The following LPA variants were observed in gnomAD, a reference collection of about 807,000 sequenced individuals.
LPA encodes the protein apolipoprotein(a).
In LPA, 199 loss-of-function variants were observed where a neutral mutation model predicts 197.9. The ratio of observed to expected loss-of-function variants is 1.01; its 90% CI spans 0.90 to 1.13. The LOEUF (loss-of-function observed/expected upper bound fraction) is 1.13, where lower values mean the gene tolerates loss of function less well. Among genes scored for constraint, LPA ranks in the 50% most tolerant of loss-of-function variants. LPA has a pLI of 0.00. For missense variants in LPA, 1,853 were observed against 1,785.8 expected (o/e 1.04, Z -0.68); for synonymous variants, 715 against 639.5 (o/e 1.12, Z -1.78).
chr6:160,557,984 A>G (rs1402924474), intron 28 of LPA, among the ~76,000 whole-genome samples: 5 of 151,622 alleles, frequency 3.3e-5, no homozygotes, highest in Non-Finnish European at 7.4e-5. Flanking sequence ...CAGTGGCGCA[A>G]TCTCGGCTCA....
rs1779020141 is a variant in LPA at position 160,591,051 on chromosome 6, C to A, written c.3680G>T (p.Trp1227Leu). 1 of 1,613,922 alleles carries A rather than the reference C, an allele frequency of 6.2e-7. No homozygotes were observed. The highest frequency in any genetic ancestry group is 8.5e-7 in the Non-Finnish European group (1 of 1,179,904). The change falls in exon 23 of 39, where the codon TGG becomes TTG. Residue 1227 changes from tryptophan to leucine, a missense_variant. Coordinates refer to ENST00000316300, the MANE Select transcript of LPA (RefSeq NM_005577.4). ...CRNPDAEISP[W>L]CYTMDPNVRW... ...GACATTGGGATCCATGGTATAACAC[C>A]AAGGACTAATCTCAGCATCTGGATT... is the stretch of plus-strand genomic sequence containing the variant.
intron 16 of LPA, among the ~76,000 whole-genome samples, chr6:160,611,101 G>A (rs1779499643): frequency 6.6e-6 from 1 of 151,978 alleles, no homozygotes; most frequent in Admixed American, 6.6e-5. Context: ...TCTCCCTATT[G>A]GAATACAGGT....
At chr6:160,663,647 C>G (rs752909868) in intron 1 of LPA, among the ~76,000 whole-genome samples, 15 of 152,110 alleles carry the variant, frequency 9.9e-5, no homozygotes, top group Non-Finnish European at 2.1e-4. Flanking sequence ...ATAATTTCTC[C>G]AGGGATAAGA....
At chr6:160,565,856 C>T (rs914774163) in intron 28 of LPA, among the ~76,000 whole-genome samples, 1 of 152,140 alleles carries the variant, frequency 6.6e-6, no homozygotes, top group Admixed American at 6.6e-5. Flanking sequence ...AGCTGAAAAC[C>T]ATGGCACGAG....
At chr6:160,542,945 T>C (rs1583567644) in intron 33 of LPA, 137 bp from the exon 34 acceptor site, 1 of 1,213,122 alleles carries the variant, frequency 8.2e-7, no homozygotes, top group East Asian at 2.5e-5. Flanking sequence ...AAACACTCTT[T>C]AGATTTTTCT....
At chr6:160,626,894 GT>G (rs1779666464) in intron 10 of LPA, among the ~76,000 whole-genome samples, 1 of 90,486 alleles carries the variant, frequency 1.1e-5, no homozygotes, top group Non-Finnish European at 2.3e-5. Context: ...TCTAAAGAGA[GT>G]TGAGATTTCC....
At chr6:160,598,407 CA>C (rs1366719284) in intron 20 of LPA, among the ~76,000 whole-genome samples, 1 of 152,204 alleles carries the variant, frequency 6.6e-6, no homozygotes, top group Non-Finnish European at 1.5e-5. Flanking sequence ...AACATGGCTA[CA>C]GTCAGCTTGG....
chr6:160,634,898 C>G (rs1235779660), intron 7 of LPA, among the ~76,000 whole-genome samples: 1 of 150,166 alleles, frequency 6.7e-6, no homozygotes, highest in African/African-American at 2.5e-5. Context: ...AGCCCATCAC[C>G]CTGGAAGGTT....
chr6:160,546,201 C>T (rs1349129595), intron 32 of LPA, among the ~76,000 whole-genome samples: 3 of 152,144 alleles, frequency 2.0e-5, no homozygotes, highest in Non-Finnish European at 4.4e-5. Flanking sequence ...CCCCACCCTC[C>T]AACCTCCAGG....
Position 160,541,179 on chromosome 6 carries a change from A to G in LPA, c.5522T>C (p.Phe1841Ser). ...WPWQVSLRTR[F>S]GKHFCGGTLI... is the part of the protein sequence containing the mutation. ...GGTGCCTCCACAGAAGTGCTTTCCAAACCTAGAAAGAAAACATGCCAAGGC... is the reference window on the plus strand; with the variant it reads ...GGTGCCTCCACAGAAGTGCTTTCCAGACCTAGAAAGAAAACATGCCAAGGC... The change falls in exon 35 of 39, where the codon TTT becomes TCT. Residue 1841 changes from phenylalanine (F) to serine (S), a missense_variant and splice_region_variant. Physicochemically the swap from Phe to Ser is radical, Grantham distance 155. Around this residue, in one of 3 missense-constraint regions of LPA, gnomAD observed 1,737 missense variants for 1,504.4 expected, o/e 1.15. Coordinates refer to ENST00000316300, the MANE Select transcript of LPA (RefSeq NM_005577.4). The G allele has an allele frequency of 1.3e-5, 21 of 1,612,566 alleles. No individual in the cohort carries two copies. The highest frequency in any genetic ancestry group is 1.8e-5 in the Non-Finnish European group (21 of 1,178,500).
At chr6:160,552,598 C>T (rs1258049586) in intron 30 of LPA, among the ~76,000 whole-genome samples, 1 of 152,142 alleles carries the variant, frequency 6.6e-6, no homozygotes, top group Non-Finnish European at 1.5e-5. Flanking sequence ...TTTGTTTCTT[C>T]AATTTGACCA....
chr6:160,537,790 T>A (rs746722671), intron 37 of LPA, 65 bp downstream of exon 37: 10 of 1,437,606 alleles, frequency 7.0e-6, no homozygotes, highest in Non-Finnish European at 9.7e-6. Flanking sequence ...TCCAAAATGC[T>A]CATTTTGTAA....
At chr6:160,592,806 T>A (rs1392677135) in intron 22 of LPA, among the ~76,000 whole-genome samples, 2 of 152,152 alleles carry the variant, frequency 1.3e-5, no homozygotes. Context: ...AAGATCCTAC[T>A]CCCAAATTAT....
chr6:160,562,667 G>A (rs756589378), intron 28 of LPA, among the ~76,000 whole-genome samples: 1 of 152,166 alleles, frequency 6.6e-6, no homozygotes, highest in South Asian at 2.1e-4. Flanking sequence ...TTGTACCTCT[G>A]TTAGGATTTG....
At chr6:160,541,706 G>A (rs1420791324) in intron 34 of LPA, among the ~76,000 whole-genome samples, 2 of 152,194 alleles carry the variant, frequency 1.3e-5, no homozygotes, top group South Asian at 2.1e-4. Flanking sequence ...TGATAGATCA[G>A]AATAATGGTG....
chr6:160,586,507 A>G lies in LPA; in HGVS notation c.4071T>C (p.Thr1357=). Reference sequence around the variant, plus strand: ...GGACCACCGTGGGAGTTGTGAGGAGAGTTGATTCCATCACTGGACATTGCG... The same window carrying G: ...GGACCACCGTGGGAGTTGTGAGGAGGGTTGATTCCATCACTGGACATTGCG... The part of the protein sequence containing the change: ...NLTQCPVMES[T]LLTTPTVVPV... The change falls in exon 25 of 39, where the codon ACT becomes ACC. Residue 1357 remains threonine, a synonymous_variant. Transcript: ENST00000316300. The G allele has an allele frequency of 1.2e-6, 2 of 1,613,776 alleles. No individual in the cohort carries two copies. The highest frequency in any genetic ancestry group is 1.7e-6 in the Non-Finnish European group (2 of 1,179,778).
intron 24 of LPA, among the ~76,000 whole-genome samples, chr6:160,588,681 G>C (rs1226727060): frequency 6.6e-6 from 1 of 152,096 alleles, no homozygotes; most frequent in Non-Finnish European, 1.5e-5. Flanking sequence ...TTCTTAGCCA[G>C]CCTAGAACAC....
At chr6:160,590,891 C>A (rs950461761) in intron 23 of LPA, 53 bp downstream of exon 23, 1 of 1,611,946 alleles carries the variant, frequency 6.2e-7, no homozygotes, top group Non-Finnish European at 8.5e-7. Flanking sequence ...GATTTTGCAA[C>A]TCTTTTTATC....
chr6:160,603,755 C>T (rs1046860131), intron 18 of LPA, among the ~76,000 whole-genome samples: 1 of 152,198 alleles, frequency 6.6e-6, no homozygotes, highest in East Asian at 1.9e-4. Context: ...GTTTTCCTCT[C>T]CCAGGCAGTT....
Sources: allele counts gnomAD v4.1 joint callset (sites outside exome capture counted in the v4.1 genomes callset), GRCh38; gene constraint gnomAD v4.1.1; regional missense constraint gnomAD v4.1.1; transcripts MANE v1.5; gene names NCBI Gene and HGNC (gene_info 2026-07-23, HGNC 2026-07-21).